The following DOCK5 variants were observed in gnomAD, a reference collection of about 807,000 sequenced individuals.
DOCK5 encodes dedicator of cytokinesis 5.
In DOCK5, 142 loss-of-function variants were observed where a neutral mutation model predicts 251.8. The ratio of observed to expected loss-of-function variants is 0.56; its 90% CI spans 0.49 to 0.65. The LOEUF is 0.65. Ranked by LOEUF, DOCK5 falls within the 30% of genes least tolerant of loss-of-function variation. The probability of loss-of-function intolerance (pLI) is 0.00; values close to 1 mark genes in which losing one functional copy is unlikely to be tolerated. For missense variants in DOCK5, 2,111 were observed against 2,312.3 expected (o/e 0.91, Z 1.79); for synonymous variants, 842 against 835.5 (o/e 1.01, Z -0.13).
intron 34 of DOCK5, 85 bp downstream of exon 34, chr8:25,369,726 A>G: frequency 3.3e-6 from 4 of 1,198,234 alleles, no homozygotes; most frequent in Non-Finnish European, 3.6e-6. Flanking sequence ...CCAATAGAGC[A>G]ATTGAGTAGT....
chr8:25,208,845 T>A (rs1379526328), intron 1 of DOCK5, among the ~76,000 whole-genome samples: 1 of 152,212 alleles, frequency 6.6e-6, no homozygotes, highest in South Asian at 2.1e-4. Flanking sequence ...GGTTAAAATA[T>A]GCCCATGACC....
intron 1 of DOCK5, among the ~76,000 whole-genome samples, chr8:25,198,893 A>G (rs1297789782): frequency 1.3e-5 from 2 of 152,230 alleles, no homozygotes; most frequent in African/African-American, 4.8e-5. Flanking sequence ...AAAGGGGAAG[A>G]TGCCTGTGTC....
chr8:25,244,502 A>T (rs1220851995), intron 2 of DOCK5, among the ~76,000 whole-genome samples: 1 of 152,188 alleles, frequency 6.6e-6, no homozygotes, highest in Non-Finnish European at 1.5e-5. Context: ...ACCAAGAACT[A>T]TGTTTAGGGT....
intron 2 of DOCK5, among the ~76,000 whole-genome samples, chr8:25,245,582 C>T (rs1455534760): frequency 6.6e-6 from 1 of 150,440 alleles, no homozygotes; most frequent in Non-Finnish European, 1.5e-5. Flanking sequence ...TTCTGTCGTC[C>T]AGGCTGGAGT....
intron 2 of DOCK5, among the ~76,000 whole-genome samples, chr8:25,266,301 C>T (rs950537966): frequency 1.3e-5 from 2 of 151,552 alleles, no homozygotes; most frequent in South Asian, 2.1e-4. Flanking sequence ...CTGCAAGCTC[C>T]GCCTCCTGGG....
intron 40 of DOCK5, among the ~76,000 whole-genome samples, chr8:25,385,073 G>T (rs935893990): frequency 2.6e-5 from 4 of 152,162 alleles, no homozygotes; most frequent in Non-Finnish European, 4.4e-5. Context: ...GCAAGAGCAG[G>T]GCAGTGCCTT....
At chr8:25,223,411 G>A (rs1481891372) in intron 1 of DOCK5, among the ~76,000 whole-genome samples, 1 of 152,198 alleles carries the variant, frequency 6.6e-6, no homozygotes, top group Non-Finnish European at 1.5e-5. Flanking sequence ...ACTGCCCCAG[G>A]TTAAGTGATC....
chr8:25,375,810 A>G, intron 37 of DOCK5: 5 of 985,358 alleles, frequency 5.1e-6, no homozygotes, highest in African/African-American at 1.7e-5. Flanking sequence ...AGCTTATTGT[A>G]TAATGGACTG....
At chr8:25,191,768 T>TTA (rs10660994) in intron 1 of DOCK5, among the ~76,000 whole-genome samples, 40,149 of 150,418 alleles carry the variant, frequency 0.27, 6,666 homozygotes, top group East Asian at 0.39. Context: ...TTTTTTAAAA[T>TTA]TATATATATA....
At chr8:25,249,681 G>A (rs935946192) in intron 2 of DOCK5, among the ~76,000 whole-genome samples, 1 of 152,134 alleles carries the variant, frequency 6.6e-6, no homozygotes, top group Non-Finnish European at 1.5e-5. Context: ...TGACCTCCTG[G>A]GCTCAAGGAA....
At chr8:25,192,389 A>C (rs1801605132) in intron 1 of DOCK5, among the ~76,000 whole-genome samples, 1 of 152,154 alleles carries the variant, frequency 6.6e-6, no homozygotes, top group African/African-American at 2.4e-5. Flanking sequence ...AAAATATTTA[A>C]CCCATGTTGT....
At chr8:25,322,311 G>A (rs1324219399) in intron 16 of DOCK5, among the ~76,000 whole-genome samples, 2 of 152,226 alleles carry the variant, frequency 1.3e-5, no homozygotes, top group Non-Finnish European at 2.9e-5. Flanking sequence ...TAATGGAAGC[G>A]TAGCACAGCA....
chr8:25,337,958 G>A (rs552416904), intron 22 of DOCK5, among the ~76,000 whole-genome samples: 62 of 152,176 alleles, frequency 4.1e-4, no homozygotes, highest in South Asian at 2.3e-3. Flanking sequence ...AAATAATACA[G>A]ATTTGAAATA....
chr8:25,338,984 T>C (rs1166385765), intron 22 of DOCK5, among the ~76,000 whole-genome samples: 1 of 152,150 alleles, frequency 6.6e-6, no homozygotes, highest in Non-Finnish European at 1.5e-5. Flanking sequence ...TGAAATTGAC[T>C]AGGAGAGTTG....
intron 5 of DOCK5, among the ~76,000 whole-genome samples, chr8:25,281,889 G>GAAAAAAAAAAAAAAAAAA: frequency 7.9e-6 from 1 of 127,134 alleles, no homozygotes. Context: ...AAAAAAAAAA[G>GAAAAAAAAAAAAAAAAAA]AAAAAAAAAA....
chr8:25,299,159 G>C lies in DOCK5; in HGVS notation c.764+58G>C, dbSNP rs1044643688. 9 of 1,572,200 alleles carry C rather than the reference G, an allele frequency of 5.7e-6. No homozygotes were observed. In the African/African-American group the frequency reaches 1.2e-4, roughly 21 times the overall value. On this transcript the variant is annotated intron_variant, in intron 8 of 51. Transcript: ENST00000276440. ...TAACAAAGATACCCAGCCTTCCCCT[G>C]ACCCCTACCCGGGCAGCTCTTTGCC...
chr8:25,313,138 T>C (rs981860720), intron 13 of DOCK5, among the ~76,000 whole-genome samples: 5 of 152,138 alleles, frequency 3.3e-5, no homozygotes, highest in African/African-American at 1.2e-4. Context: ...CTCCTTCCTG[T>C]TGTCCCATCA....
intron 37 of DOCK5, chr8:25,376,203 G>T (rs534661957): frequency 1.0e-6 from 1 of 985,240 alleles, no homozygotes; most frequent in East Asian, 1.1e-4. Flanking sequence ...AATCCCCAGT[G>T]TCTGTAACTG....
chr8:25,337,752 A>AT lies in DOCK5; in HGVS notation c.2327+1386dup, dbSNP rs1221207773. ...AGGTGCATACCACCATGCCCAGCTA[A>AT]TTTTTTTGTATTTTTAGTAGCGATG... On this transcript the variant is annotated intron_variant, in intron 22 of 51. Transcript: ENST00000276440. Among the ~76,000 whole-genome samples, 3 of 151,522 alleles carry AT rather than the reference A, an allele frequency of 2.0e-5. No individual in the cohort carries two copies. The East Asian group carries it at 5.9e-4, about 30-fold the overall frequency.
Sources: allele counts gnomAD v4.1 joint callset (sites outside exome capture counted in the v4.1 genomes callset), GRCh38; gene constraint gnomAD v4.1.1; transcripts MANE v1.5; gene names NCBI Gene and HGNC (gene_info 2026-07-23, HGNC 2026-07-21).